Variants in TRA2A observed in about 807,000 individuals in gnomAD.
The protein encoded by TRA2A is transformer-2 protein homolog alpha.
A neutral mutation model predicts 45.7 loss-of-function variants in TRA2A; 31 were observed. The ratio of observed to expected loss-of-function variants is 0.68; its 90% CI spans 0.51 to 0.92. TRA2A has a LOEUF of 0.92. Among genes scored for constraint, TRA2A ranks in the 40% least tolerant of loss-of-function variants. The pLI is 0.00. For missense variants in TRA2A, 304 were observed against 367.5 expected (o/e 0.83, Z 1.41); for synonymous variants, 132 against 126.2 (o/e 1.05, Z -0.31).
intron 2 of TRA2A, 87 bp from the exon 3 acceptor site, chr7:23,516,615 A>G: frequency 8.3e-7 from 1 of 1,206,932 alleles, no homozygotes; most frequent in Non-Finnish European, 1.2e-6. Flanking sequence ...ATATATCCCT[A>G]ACTATTCTCA....
chr7:23,505,750 G>A lies in TRA2A; in HGVS notation c.834C>T (p.Ser278=), dbSNP rs369933151. The A allele has an allele frequency of 3.2e-6, 5 of 1,549,830 alleles. No individual in the cohort carries two copies. Residue 278 remains serine (S), a synonymous_variant, in exon 7 of 8, where the codon AGC becomes AGT. Coordinates refer to ENST00000297071, the MANE Select transcript of TRA2A (RefSeq NM_013293.5). ...YRSRSRSRSY[S]PRRY is the part of the protein sequence containing the mutation. ...ACAAAAGTAAAGTTCACATACTTGG[G>A]CTGTAGGAACGAGATCTTGATCGTG...
At chr7:23,511,154 G>A (rs966777303) in intron 4 of TRA2A, among the ~76,000 whole-genome samples, 3 of 151,600 alleles carry the variant, frequency 2.0e-5, no homozygotes, top group Non-Finnish European at 2.9e-5. Flanking sequence ...GGTGGATCAC[G>A]AGGTCAGGAG....
rs755193313 is a variant in TRA2A, at chr7:23,505,727, A to G, written c.838+19T>C. ...TTAGAAATGAGGTTTTTTATGCTAC[A>G]AAAGTAAAGTTCACATACTTGGGCT... is the stretch of plus-strand genomic sequence containing the variant. On this transcript the variant is annotated intron_variant, in intron 7 of 7. Coordinates refer to ENST00000297071, the MANE Select transcript of TRA2A (RefSeq NM_013293.5). 1.6e-5 allele frequency: 24 copies of G among 1,512,116 alleles called. No individual in the cohort carries two copies. Among genetic ancestry groups the G allele is most frequent in the Admixed American group, 6.8e-5 (3 of 44,034 alleles). The allele number at this position is 1,512,116 out of a possible 1,614,324, so 93.7% of individuals were successfully genotyped here.
intron 3 of TRA2A, among the ~76,000 whole-genome samples, chr7:23,514,893 G>A (rs1257458320): frequency 6.6e-6 from 1 of 152,198 alleles, no homozygotes; most frequent in Non-Finnish European, 1.5e-5. Flanking sequence ...TGTGGGAGAA[G>A]CATAGTACAG....
chr7:23,531,794 C>T lies in TRA2A; in HGVS notation c.31G>A (p.Gly11Ser). 4 of 1,613,668 alleles carry T rather than the reference C, an allele frequency of 2.5e-6. No individual in the cohort carries two copies. In the South Asian group the frequency reaches 4.4e-5, roughly 18 times the overall value. Residue 11 changes from glycine (G) to serine (S), a missense_variant, in exon 1 of 8, where the codon GGC becomes AGC. Around this residue, in one of 3 missense-constraint regions of TRA2A, gnomAD observed 132 missense variants for 113.4 expected, o/e 1.16. Coordinates refer to ENST00000297071, the MANE Select transcript of TRA2A (RefSeq NM_013293.5). MSDVEENNFE[G>S]RESRSQSKSP... is the part of the protein sequence containing the mutation. ...TCCCGCGGCTTTGTACTCACTCTGC[C>T]CTCGAAGTTGTTTTCCTCCACATCA...
intron 7 of TRA2A, 30 bp from the exon 8 acceptor site, chr7:23,505,599 A>AAAAAAAAAAAAT (rs1789292625): frequency 1.7e-6 from 1 of 601,252 alleles, no homozygotes; most frequent in East Asian, 3.0e-5. Flanking sequence ...AAAAAAAAAA[A>AAAAAAAAAAAAT]AAAAAAAAAG....
intron 3 of TRA2A, among the ~76,000 whole-genome samples, chr7:23,514,883 T>C (rs1015405073): frequency 1.3e-5 from 2 of 152,218 alleles, no homozygotes; most frequent in Non-Finnish European, 2.9e-5. Flanking sequence ...GTTAGTATCC[T>C]GTGGGAGAAG....
chr7:23,531,070 G>T (rs1013218490), intron 1 of TRA2A: 5 of 209,922 alleles, frequency 2.4e-5, no homozygotes, highest in Non-Finnish European at 4.1e-5. Context: ...CATTCATTTC[G>T]AAGTGAAAGG....
chr7:23,521,768 G>A lies in TRA2A; in HGVS notation c.109C>T (p.Arg37Cys), dbSNP rs754758057. 5.0e-6 allele frequency: 8 copies of A among 1,614,002 alleles called. No homozygotes were observed. The highest frequency in any genetic ancestry group is 2.2e-5 in the East Asian group (1 of 44,896). Residue 37 changes from arginine to cysteine, a missense_variant, in exon 2 of 8, where the codon CGT (arginine) becomes TGT (cysteine). Coordinates refer to ENST00000297071, the MANE Select transcript of TRA2A (RefSeq NM_013293.5). ...TGTTTGGAAACCCTTGATGGACTACGAGATCCTGACCTGCTCTCCGATTTT... is the reference window on the plus strand; with the variant it reads ...TGTTTGGAAACCCTTGATGGACTACAAGATCCTGACCTGCTCTCCGATTTT... The part of the protein sequence containing the change: ...RVKSESRSGS[R>C]SPSRVSKHSE...
chr7:23,506,651 C>T (rs544517461), intron 5 of TRA2A, among the ~76,000 whole-genome samples: 2 of 152,256 alleles, frequency 1.3e-5, no homozygotes, highest in South Asian at 4.1e-4. Flanking sequence ...ATCCCTGTGA[C>T]TAAAAGGCAA....
intron 4 of TRA2A, among the ~76,000 whole-genome samples, chr7:23,511,240 G>A (rs1384308526): frequency 1.3e-5 from 2 of 151,182 alleles, no homozygotes; most frequent in African/African-American, 4.9e-5. Flanking sequence ...ACATGGTGGC[G>A]GGCGTCTGTA....
At chr7:23,513,142 A>T in intron 3 of TRA2A, 60 bp from the exon 4 acceptor site, 1 of 1,253,978 alleles carries the variant, frequency 8.0e-7, no homozygotes, top group Non-Finnish European at 1.1e-6. Context: ...AGAAACACAG[A>T]AATACTTTGT....
Position 23,504,946 on chromosome 7 carries a change from T to A in TRA2A, c.*613A>T, listed in dbSNP as rs547267826. ...TAAATAAGGGTTGTCCTTCACTGATTAAGGGAATAAACTTCAATAAACTTA... is the reference window on the plus strand; with the variant it reads ...TAAATAAGGGTTGTCCTTCACTGATAAAGGGAATAAACTTCAATAAACTTA... On this transcript the variant is annotated 3_prime_UTR_variant, in exon 8 of 8. Transcript: ENST00000297071. 11 of 152,726 alleles carry A rather than the reference T, an allele frequency of 7.2e-5. No individual in the cohort carries two copies. The highest frequency in any genetic ancestry group is 2.4e-4 in the African/African-American group (10 of 41,556). 9.5% of individuals were successfully genotyped at this position (152,726 alleles called of 1,614,324 possible).
At chr7:23,516,613 C>G in intron 2 of TRA2A, 85 bp from the exon 3 acceptor site, 2 of 1,232,526 alleles carry the variant, frequency 1.6e-6, no homozygotes, top group Non-Finnish European at 2.3e-6. Flanking sequence ...ACATATATCC[C>G]TAACTATTCT....
intron 5 of TRA2A, 105 bp downstream of exon 5, chr7:23,507,315 G>T: frequency 3.4e-6 from 3 of 879,746 alleles, no homozygotes; most frequent in Non-Finnish European, 5.4e-6. Flanking sequence ...GTTGCCCCTT[G>T]CCAGAATCAA....
At chr7:23,524,667 A>C (rs1158667212) in intron 1 of TRA2A, among the ~76,000 whole-genome samples, 1 of 149,310 alleles carries the variant, frequency 6.7e-6, no homozygotes, top group Non-Finnish European at 1.5e-5. Context: ...ACTCCTAGCT[A>C]CAAAGTTGTC....
Position 23,512,977 on chromosome 7 carries a change from C to T in TRA2A, c.442G>A (p.Val148Ile). The change falls in exon 4 of 8, where the codon GTC becomes ATC. Residue 148 changes from valine to isoleucine, a missense_variant. Physicochemically the swap from Val to Ile is conservative, Grantham distance 29. Coordinates refer to ENST00000297071, the MANE Select transcript of TRA2A (RefSeq NM_013293.5). ...GTTCGCTGATCATAAACCACATTGA[C>T]ACCACTCAATGGTCCATATCGAGAA... ...VFSRYGPLSG[V>I]NVVYDQRTGR... is the part of the protein sequence containing the mutation. The T allele has an allele frequency of 6.2e-7, 1 of 1,613,870 alleles. No homozygotes were observed. The highest frequency in any genetic ancestry group is 1.1e-5 in the South Asian group (1 of 91,068).
Position 23,531,931 on chromosome 7 carries a change from A to C in TRA2A, c.-107T>G. 7.9e-7 allele frequency: 1 copy of C among 1,271,368 alleles called. No individual in the cohort carries two copies. Among genetic ancestry groups the C allele is most frequent in the Non-Finnish European group, 1.1e-6 (1 of 891,130 alleles). 78.8% of individuals were successfully genotyped at this position (1,271,368 alleles called of 1,614,324 possible). A position where few individuals can be genotyped will look rare whatever the true frequency, so the allele number is the denominator to read the frequency against. On this transcript the variant is annotated 5_prime_UTR_variant, in exon 1 of 8. Coordinates refer to ENST00000297071, the MANE Select transcript of TRA2A (RefSeq NM_013293.5). ...CCGTGGGGAAGAGGAAAGAGTCGGC[A>C]ACCACAGCCGCTCCACTCCACTCCC... is the stretch of plus-strand genomic sequence containing the variant.
At chr7:23,528,485 C>A (rs957995546) in intron 1 of TRA2A, among the ~76,000 whole-genome samples, 7 of 152,232 alleles carry the variant, frequency 4.6e-5, no homozygotes, top group South Asian at 2.1e-4. Flanking sequence ...GGATTACAGG[C>A]GTGAGCCACC....
Sources: gnomAD v4.1 joint callset for allele counts (sites outside exome capture counted in the v4.1 genomes callset) on GRCh38, gnomAD v4.1.1 for gene constraint, gnomAD v4.1.1 regional missense constraint, MANE v1.5 for transcripts, NCBI Gene and HGNC (gene_info 2026-07-23, HGNC 2026-07-21) for gene names.